Variants in PAFAH1B2 observed in about 807,000 individuals in gnomAD.
PAFAH1B2 encodes the protein platelet-activating factor acetylhydrolase IB subunit alpha2.
In PAFAH1B2, 8 loss-of-function variants were observed where a neutral mutation model predicts 28.0. The observed-to-expected ratio is 0.29, with a 90% CI of 0.17 to 0.52. PAFAH1B2 has a LOEUF of 0.52. Among genes scored for constraint, PAFAH1B2 ranks in the 20% least tolerant of loss-of-function variants. The pLI is 0.97. For synonymous variants in PAFAH1B2, 104 were observed against 103.2 expected (o/e 1.01, Z -0.05); for missense variants, 190 against 282.6 (o/e 0.67, Z 2.35).
chr11:117,144,734 G>A (rs1402015708), intron 1 of PAFAH1B2, among the ~76,000 whole-genome samples: 3 of 151,654 alleles, frequency 2.0e-5, no homozygotes, highest in Non-Finnish European at 4.4e-5. Flanking sequence ...GTAGCGCGGC[G>A]GGCGCCCCGC....
intron 1 of PAFAH1B2, among the ~76,000 whole-genome samples, chr11:117,148,571 T>C (rs1277962168): frequency 6.6e-6 from 1 of 152,158 alleles, no homozygotes; most frequent in African/African-American, 2.4e-5. Flanking sequence ...ATAAATGTTA[T>C]TTTAGATCAG....
At position 117,151,612 on chromosome 11, in the gene PAFAH1B2, A is replaced by G. The variant is rs79831695; in HGVS notation, c.-7-829A>G. ...TTGTCGAAAACCAGTGCCAAGGCCT[A>G]TGACTACTTTTGTCATAATCTGTAC... On this transcript the variant is annotated intron_variant, in intron 1 of 5. Transcript: ENST00000527958. 8.0e-4 allele frequency among the ~76,000 whole-genome samples: 122 copies of G among 152,338 alleles called. No individual in the cohort carries two copies. In the East Asian group the frequency reaches 0.021, roughly 27 times the overall value.
intron 2 of PAFAH1B2, among the ~76,000 whole-genome samples, chr11:117,156,169 G>A (rs4936366): frequency 0.73 from 110,824 of 152,138 alleles, 41,309 homozygotes; most frequent in Non-Finnish European, 0.82. Context: ...CCTCGGTGAC[G>A]GAGCAAGACC....
At chr11:117,159,704 C>T in intron 2 of PAFAH1B2, 1 of 456,460 alleles carries the variant, frequency 2.2e-6, no homozygotes, top group Non-Finnish European at 4.0e-6. Flanking sequence ...CACTGTACTC[C>T]AGCCTGGGTG....
At chr11:117,156,082 G>A (rs79813258) in intron 2 of PAFAH1B2, among the ~76,000 whole-genome samples, 1 of 152,166 alleles carries the variant, frequency 6.6e-6, no homozygotes, top group Non-Finnish European at 1.5e-5. Context: ...CCAGCTACTG[G>A]GGGGCCAAGG....
At chr11:117,159,897 G>A in intron 2 of PAFAH1B2, 37 bp from the exon 3 acceptor site, 1 of 1,447,400 alleles carries the variant, frequency 6.9e-7, no homozygotes, top group Non-Finnish European at 9.6e-7. Context: ...AGCCAGAAGT[G>A]CCAGTTAATA....
At chr11:117,145,989 C>A (rs115369337) in intron 1 of PAFAH1B2, among the ~76,000 whole-genome samples, 6,626 of 152,234 alleles carry the variant, frequency 0.044, 477 homozygotes, top group African/African-American at 0.15. Context: ...GTCGGTTACT[C>A]CTCGTCTTCC....
intron 1 of PAFAH1B2, among the ~76,000 whole-genome samples, chr11:117,148,665 G>A (rs935429039): frequency 6.6e-6 from 1 of 152,172 alleles, no homozygotes; most frequent in Non-Finnish European, 1.5e-5. Context: ...GTGTGTGCCT[G>A]TAGTCCCAGC....
At chr11:117,145,570 T>C (rs1220852138) in intron 1 of PAFAH1B2, among the ~76,000 whole-genome samples, 1 of 152,192 alleles carries the variant, frequency 6.6e-6, no homozygotes, top group Non-Finnish European at 1.5e-5. Context: ...GGTTGCCTCC[T>C]TGTGGGGGAG....
In PAFAH1B2 at chr11:117,144,307, TG is replaced by T; in HGVS notation, c.-115del. On this transcript the variant is annotated 5_prime_UTR_variant, in exon 1 of 6. Coordinates refer to ENST00000527958, the MANE Select transcript of PAFAH1B2 (RefSeq NM_002572.4). The stretch of plus-strand genomic sequence containing the variant: ...GAAGTGGAGGAGCTGCTGCTGGTGC[TG>T]GGGCCGGAGGAGGGACGCGCCGGAG... The T allele has an allele frequency of 2.6e-6, 1 of 389,200 alleles. No individual in the cohort carries two copies. The highest frequency in any genetic ancestry group is 1.0e-4 in the East Asian group (1 of 9,586). 24.1% of individuals were successfully genotyped at this position (389,200 alleles called of 1,614,324 possible).
At chr11:117,175,240 C>T (rs2029908549), downstream of PAFAH1B2, 2 of 1,086,928 alleles carry the variant, frequency 1.8e-6, no homozygotes, top group South Asian at 4.4e-5. Context: ...GGATCACATC[C>T]CTGAGGCCCC....
downstream of PAFAH1B2, among the ~76,000 whole-genome samples, chr11:117,177,325 A>T (rs1053179941): frequency 1.3e-5 from 2 of 152,194 alleles, no homozygotes; most frequent in African/African-American, 2.4e-5. Context: ...ATTATTTTTT[A>T]TTTTTTGGTA....
At chr11:117,153,476 G>C (rs552671558) in intron 2 of PAFAH1B2, among the ~76,000 whole-genome samples, 2 of 152,088 alleles carry the variant, frequency 1.3e-5, no homozygotes, top group South Asian at 4.2e-4. Context: ...CCACCCCCCT[G>C]CCACCCTGGG....
chr11:117,147,046 A>C (rs139864910), intron 1 of PAFAH1B2, among the ~76,000 whole-genome samples: 8,154 of 152,122 alleles, frequency 0.054, 256 homozygotes, highest in Middle Eastern at 0.1. Flanking sequence ...AGGTGGGCGG[A>C]TCACCTGATG....
chr11:117,162,447 A>T (rs1350625945), intron 4 of PAFAH1B2, among the ~76,000 whole-genome samples: 5 of 143,268 alleles, frequency 3.5e-5, no homozygotes, highest in African/African-American at 1.3e-4. Flanking sequence ...CGAGACTGTG[A>T]TTTTTTTTTT....
At chr11:117,144,748 GCCCT>G (rs1955954554) in intron 1 of PAFAH1B2, among the ~76,000 whole-genome samples, 1 of 139,288 alleles carries the variant, frequency 7.2e-6, no homozygotes, top group Non-Finnish European at 1.6e-5. Context: ...GCCCCGCCCC[GCCCT>G]GCCCTGCCCT....
chr11:117,174,429 C>A (rs1956736744), downstream of PAFAH1B2, among the ~76,000 whole-genome samples: 1 of 151,898 alleles, frequency 6.6e-6, no homozygotes, highest in South Asian at 2.1e-4. Context: ...GGTGATCCAC[C>A]CACCTCAGCC....
chr11:117,149,429 C>CTTTT (rs1565260556), intron 1 of PAFAH1B2, among the ~76,000 whole-genome samples: 3 of 33,516 alleles, frequency 9.0e-5, no homozygotes, highest in African/African-American at 3.2e-4. Context: ...GTTTTCTAAT[C>CTTTT]GTTTTTTTTT....
At chr11:117,150,387 C>A (rs1341107286) in intron 1 of PAFAH1B2, among the ~76,000 whole-genome samples, 2 of 151,480 alleles carry the variant, frequency 1.3e-5, no homozygotes, top group African/African-American at 4.8e-5. Context: ...TGACCTCAAG[C>A]GATCCACCTG....
Sources: gnomAD v4.1 joint callset for allele counts (sites outside exome capture counted in the v4.1 genomes callset) on GRCh38, gnomAD v4.1.1 for gene constraint, MANE v1.5 for transcripts, NCBI Gene and HGNC (gene_info 2026-07-23, HGNC 2026-07-21) for gene names.